The following NELL1 variants were observed in gnomAD, a reference collection of about 807,000 sequenced individuals.
The protein encoded by NELL1 is neural EGFL like 1.
In NELL1, 76 loss-of-function variants were observed where a neutral mutation model predicts 107.4. The ratio of observed to expected loss-of-function variants is 0.71; its 90% CI spans 0.59 to 0.86. NELL1 has a LOEUF of 0.86. NELL1 is among the 40% of genes least tolerant of loss of function. NELL1 has a pLI of 0.00. For synonymous variants in NELL1, 353 were observed against 341.2 expected, an observed-to-expected ratio of 1.03 and a Z score of -0.38; for missense variants, 1,024 against 1,005.5, an observed-to-expected ratio of 1.02 and a Z score of -0.25.
At chr11:20,695,405 T>TGG (rs1854588437) in intron 2 of NELL1, among the ~76,000 whole-genome samples, 1 of 152,300 alleles carries the variant, frequency 6.6e-6, no homozygotes, top group East Asian at 1.9e-4. Context: ...CTTTTGCCTG[T>TGG]CCAATACGAT....
At chr11:20,794,572 T>G (rs2133994601) in intron 3 of NELL1, among the ~76,000 whole-genome samples, 1 of 152,244 alleles carries the variant, frequency 6.6e-6, no homozygotes, top group Admixed American at 6.5e-5. Context: ...ATCTGGAGGC[T>G]GAATTGATAA....
chr11:21,184,302 T>G (rs1187743889), intron 13 of NELL1, among the ~76,000 whole-genome samples: 1 of 151,818 alleles, frequency 6.6e-6, no homozygotes, highest in Non-Finnish European at 1.5e-5. Context: ...GGAGTCTTGC[T>G]TTTTCACCCA....
chr11:20,915,174 C>G (rs1273358087), intron 5 of NELL1, among the ~76,000 whole-genome samples: 1 of 151,926 alleles, frequency 6.6e-6, no homozygotes, highest in Admixed American at 6.6e-5. Flanking sequence ...AGTTCCAAAT[C>G]AGTAAGATTT....
intron 14 of NELL1, among the ~76,000 whole-genome samples, chr11:21,246,136 A>G (rs1858485247): frequency 1.3e-5 from 2 of 152,160 alleles, no homozygotes; most frequent in South Asian, 2.1e-4. Context: ...TTGAGCGTCT[A>G]TATGTCAGGC....
At chr11:21,444,895 T>C (rs1403822492) in intron 15 of NELL1, among the ~76,000 whole-genome samples, 1 of 152,208 alleles carries the variant, frequency 6.6e-6, no homozygotes, top group Non-Finnish European at 1.5e-5. Context: ...TCTCTGGTAG[T>C]GTGTTTTAAT....
intron 14 of NELL1, among the ~76,000 whole-genome samples, chr11:21,244,792 G>C (rs532421458): frequency 6.6e-6 from 1 of 152,160 alleles, no homozygotes; most frequent in African/African-American, 2.4e-5. Flanking sequence ...AGGTGACTGA[G>C]TGGTGAAGGT....
chr11:20,781,556 G>C (rs761045638), intron 2 of NELL1, among the ~76,000 whole-genome samples: 1 of 152,138 alleles, frequency 6.6e-6, no homozygotes, highest in African/African-American at 2.4e-5. Context: ...GCTTATGGCT[G>C]TCTTTTCTTT....
At chr11:21,068,211 G>C (rs534446906) in intron 12 of NELL1, among the ~76,000 whole-genome samples, 1 of 151,936 alleles carries the variant, frequency 6.6e-6, no homozygotes, top group South Asian at 2.1e-4. Flanking sequence ...GTGCAAGAAG[G>C]GGCCCTATTG....
intron 14 of NELL1, among the ~76,000 whole-genome samples, chr11:21,253,226 T>G (rs1388576635): frequency 6.6e-6 from 1 of 152,090 alleles, no homozygotes; most frequent in Non-Finnish European, 1.5e-5. Flanking sequence ...CCCAAGTTCT[T>G]TAATTCTTGG....
At chr11:21,170,023 G>A in intron 13 of NELL1, 1 of 1,204,434 alleles carries the variant, frequency 8.3e-7, no homozygotes. Context: ...ATGTGGACAG[G>A]GTTGTCATCA....
chr11:21,448,722 C>T (rs1853507431), intron 15 of NELL1, among the ~76,000 whole-genome samples: 2 of 152,186 alleles, frequency 1.3e-5, no homozygotes, highest in Admixed American at 1.3e-4. Flanking sequence ...AATTTGCTCG[C>T]CCACTCTTCC....
Position 20,879,931 on chromosome 11 carries a change from G to A in NELL1, c.507-5513G>A, listed in dbSNP as rs371309482. 1.4e-4 allele frequency among the ~76,000 whole-genome samples: 22 copies of A among 152,120 alleles called. No individual in the cohort carries two copies. In the South Asian group the frequency reaches 4.4e-3, roughly 30 times the overall value. On this transcript the variant is annotated intron_variant, in intron 4 of 19. Transcript: ENST00000357134. ...GGATTCATAGAAAGTATACTTTATC[G>A]AAAAATTCTGTTTTAATGCAAAGTT... is the stretch of plus-strand genomic sequence containing the variant.
At chr11:21,037,578 C>T (rs1853126968) in intron 12 of NELL1, among the ~76,000 whole-genome samples, 1 of 152,124 alleles carries the variant, frequency 6.6e-6, no homozygotes, top group African/African-American at 2.4e-5. Context: ...ATGCATAGAG[C>T]CCCAGCTTTA....
At chr11:21,240,046 C>T (rs7935466) in intron 14 of NELL1, among the ~76,000 whole-genome samples, 3,382 of 152,052 alleles carry the variant, frequency 0.022, 109 homozygotes, top group African/African-American at 0.07. Context: ...ATAGACATTC[C>T]TCCTCATAAG....
In NELL1 at chr11:21,319,882, G is replaced by C. The variant is rs369371212; in HGVS notation, c.1550-50971G>C. Among the ~76,000 whole-genome samples, 3 of 152,096 alleles carry C rather than the reference G, an allele frequency of 2.0e-5. No individual in the cohort carries two copies. The South Asian group carries it at 6.2e-4, about 31-fold the overall frequency. On this transcript the variant is annotated intron_variant, in intron 14 of 19. Transcript: ENST00000357134. ...GTTAAATCTGTCAGCCTTATGACCT[G>C]CTTTAGACTCTAAACTCCATGAGAG...
At chr11:20,948,661 A>T (rs918883588) in intron 11 of NELL1, among the ~76,000 whole-genome samples, 1 of 149,878 alleles carries the variant, frequency 6.7e-6, no homozygotes, top group Non-Finnish European at 1.5e-5. Context: ...TCTTAAATTG[A>T]TTCCTATGTC....
At chr11:20,736,075 A>T (rs1855754607) in intron 2 of NELL1, among the ~76,000 whole-genome samples, 1 of 152,158 alleles carries the variant, frequency 6.6e-6, no homozygotes, top group Non-Finnish European at 1.5e-5. Context: ...TTATGAGGTT[A>T]GTATACTTGA....
chr11:21,353,703 A>G (rs1850867370), intron 14 of NELL1, among the ~76,000 whole-genome samples: 1 of 152,146 alleles, frequency 6.6e-6, no homozygotes, highest in Non-Finnish European at 1.5e-5. Context: ...AAGGCAGCCA[A>G]AGAAAGGTCG....
intron 14 of NELL1, among the ~76,000 whole-genome samples, chr11:21,342,418 G>A (rs1031012673): frequency 1.3e-5 from 2 of 148,214 alleles, no homozygotes; most frequent in South Asian, 2.2e-4. Context: ...AAGTGGGGGG[G>A]GGGGTCACTT....
Sources: gnomAD v4.1 joint callset for allele counts (sites outside exome capture counted in the v4.1 genomes callset) on GRCh38, gnomAD v4.1.1 for gene constraint, MANE v1.5 for transcripts, NCBI Gene and HGNC (gene_info 2026-07-23, HGNC 2026-07-21) for gene names.